The following MAGI1 variants were observed in gnomAD, a reference collection of about 807,000 sequenced individuals.
The protein encoded by MAGI1 is membrane-associated guanylate kinase, WW and PDZ domain-containing protein 1.
A neutral mutation model predicts 139.9 loss-of-function variants in MAGI1; 58 were observed. That is an observed-to-expected ratio of 0.41 (90% CI 0.34 to 0.52). The LOEUF (loss-of-function observed/expected upper bound fraction) is 0.52, where lower values mean the gene tolerates loss of function less well. MAGI1 is among the 20% of genes least tolerant of loss of function. The pLI is 0.12. For missense variants in MAGI1, 1,874 were observed against 1,901.6 expected (o/e 0.99, Z 0.27); for synonymous variants, 812 against 737.9 (o/e 1.10, Z -1.63).
chr3:65,902,250 G>A (rs1353553008), intron 1 of MAGI1, among the ~76,000 whole-genome samples: 8 of 152,182 alleles, frequency 5.3e-5, no homozygotes, highest in Non-Finnish European at 8.8e-5. Context: ...TGTCTGCCTA[G>A]AGAATCAGGT....
At chr3:65,391,003 T>C (rs1943883321) in intron 14 of MAGI1, 139 bp downstream of exon 14, 1 of 707,126 alleles carries the variant, frequency 1.4e-6, no homozygotes, top group Admixed American at 2.8e-5. Context: ...GTCCACTCCC[T>C]CTGTGATACT....
chr3:66,022,821 G>A (rs923161924), intron 1 of MAGI1, among the ~76,000 whole-genome samples: 1 of 152,190 alleles, frequency 6.6e-6, no homozygotes, highest in African/African-American at 2.4e-5. Context: ...GGGTCAGCTA[G>A]AGTGCTCTGC....
chr3:65,976,029 C>T (rs1382360989), intron 1 of MAGI1, among the ~76,000 whole-genome samples: 1 of 152,146 alleles, frequency 6.6e-6, no homozygotes, highest in African/African-American at 2.4e-5. Flanking sequence ...ATGGCTTCAT[C>T]CTAGGTTGGT....
chr3:65,572,506 T>A (rs977984441), intron 2 of MAGI1, among the ~76,000 whole-genome samples: 5 of 152,182 alleles, frequency 3.3e-5, no homozygotes, highest in Admixed American at 3.3e-4. Flanking sequence ...AAAGACTGCA[T>A]CACAGGGTCA....
chr3:65,687,515 G>A (rs1432601456), intron 1 of MAGI1: 3 of 380,838 alleles, frequency 7.9e-6, no homozygotes, highest in African/African-American at 6.4e-5. Context: ...TGCTGAGCAG[G>A]CCTCTTACTT....
chr3:65,380,560 T>C (rs1431873589), intron 16 of MAGI1, among the ~76,000 whole-genome samples: 2 of 152,206 alleles, frequency 1.3e-5, no homozygotes. Flanking sequence ...TCTATCTCTA[T>C]AAATTTGACT....
At chr3:65,552,722 G>A (rs989346041) in intron 2 of MAGI1, among the ~76,000 whole-genome samples, 1 of 152,156 alleles carries the variant, frequency 6.6e-6, no homozygotes, top group African/African-American at 2.4e-5. Context: ...ACTTCGGGAA[G>A]GGCCTGTGAA....
intron 1 of MAGI1, among the ~76,000 whole-genome samples, chr3:65,780,532 C>T (rs1015206158): frequency 1.3e-5 from 2 of 152,142 alleles, no homozygotes; most frequent in African/African-American, 4.8e-5. Context: ...TATGTATTCA[C>T]AGAAAGTCTC....
At chr3:65,761,967 G>C (rs1267403527) in intron 1 of MAGI1, among the ~76,000 whole-genome samples, 2 of 152,064 alleles carry the variant, frequency 1.3e-5, no homozygotes, top group Non-Finnish European at 2.9e-5. Context: ...ACACAAAATG[G>C]GGACTGCTTA....
chr3:65,373,573 G>A (rs1942204234), intron 18 of MAGI1, among the ~76,000 whole-genome samples: 1 of 152,184 alleles, frequency 6.6e-6, no homozygotes, highest in African/African-American at 2.4e-5. Flanking sequence ...TGTACAAAAT[G>A]AAGTACCTGC....
At chr3:65,591,733 G>A (rs1054511868) in intron 2 of MAGI1, among the ~76,000 whole-genome samples, 7 of 152,058 alleles carry the variant, frequency 4.6e-5, no homozygotes, top group Non-Finnish European at 7.4e-5. Context: ...CTCTATTTCT[G>A]CCACTCCGGC....
chr3:65,400,749 GATTTTTTTTTTTTTTTTTT>G (rs1944808672), intron 13 of MAGI1, among the ~76,000 whole-genome samples: 1 of 61,732 alleles, frequency 1.6e-5, no homozygotes, highest in Admixed American at 2.1e-4. Context: ...GCAAAACATT[GATTTTTTTTTTTTTTTTTT>G]TTTTTTTTTT....
intron 2 of MAGI1, chr3:65,597,777 G>C (rs1364783829): frequency 8.8e-6 from 4 of 456,714 alleles, no homozygotes; most frequent in East Asian, 7.0e-5. Context: ...GGGCGGTGGA[G>C]GGGTGGCGAG....
chr3:65,731,035 C>T (rs2034136078), intron 1 of MAGI1, among the ~76,000 whole-genome samples: 1 of 152,008 alleles, frequency 6.6e-6, no homozygotes, highest in Non-Finnish European at 1.5e-5. Flanking sequence ...AATTTAGTTA[C>T]TGGATAACTC....
chr3:65,560,028 C>G (rs2080270246), intron 2 of MAGI1, among the ~76,000 whole-genome samples: 1 of 152,076 alleles, frequency 6.6e-6, no homozygotes, highest in African/African-American at 2.4e-5. Context: ...AGAGTGAGAC[C>G]CTGTCTCGAA....
At chr3:65,475,096 G>A (rs1179519192) in intron 4 of MAGI1, among the ~76,000 whole-genome samples, 11 of 151,632 alleles carry the variant, frequency 7.3e-5, no homozygotes, top group Non-Finnish European at 1.6e-4. Context: ...GAATATCAGG[G>A]ATTATTGGGA....
In MAGI1 at chr3:65,950,232, C is replaced by T. The variant is rs182230462; in HGVS notation, c.313+87764G>A. On this transcript the variant is annotated intron_variant, in intron 1 of 22. Coordinates refer to ENST00000402939, the MANE Select transcript of MAGI1 (RefSeq NM_001033057.2). ...GTTAGGAGATGAAAGTAGACTAGAC[C>T]ACCCAAGTGGGTAACTTAGCACTGG... Among the ~76,000 whole-genome samples the T allele has an allele frequency of 5.1e-4, 77 of 151,390 alleles. No homozygotes were observed. The East Asian group carries it at 0.015, about 29-fold the overall frequency.
Position 65,863,548 on chromosome 3 carries a change from T to A in MAGI1, c.313+174448A>T, listed in dbSNP as rs142322173. ...TAAAAGTGAGACCACTTCCTTGATG[T>A]AAGTTCTTTGCAGGTCAATTACCTT... On this transcript the variant is annotated intron_variant, in intron 1 of 22. Coordinates refer to ENST00000402939, the MANE Select transcript of MAGI1 (RefSeq NM_001033057.2). Among the ~76,000 whole-genome samples, 21 of 152,324 alleles carry A rather than the reference T, an allele frequency of 1.4e-4. No homozygotes were observed. In the East Asian group the frequency reaches 3.3e-3, roughly 24 times the overall value.
intron 2 of MAGI1, among the ~76,000 whole-genome samples, chr3:65,530,624 G>GTGGTGTGT (rs1204700107): frequency 1.1e-3 from 137 of 129,024 alleles, no homozygotes; most frequent in Admixed American, 1.6e-3. Flanking sequence ...ATGTGTGTGT[G>GTGGTGTGT]GTGTGTGTGT....
Sources: allele counts gnomAD v4.1 joint callset (sites outside exome capture counted in the v4.1 genomes callset), GRCh38; gene constraint gnomAD v4.1.1; transcripts MANE v1.5; gene names NCBI Gene and HGNC (gene_info 2026-07-23, HGNC 2026-07-21).